PSPH: variants seen among roughly 807,000 people sequenced by gnomAD.
The protein encoded by PSPH is phosphoserine phosphatase.
Under a neutral mutation model 23.4 loss-of-function variants are expected in PSPH, and 16 were observed. The ratio of observed to expected loss-of-function variants is 0.68; its 90% CI spans 0.46 to 1.04. The LOEUF is 1.04. Ranked by LOEUF, PSPH falls within the 50% of genes least tolerant of loss-of-function variation. The probability of loss-of-function intolerance (pLI) is 0.00; values close to 1 mark genes in which losing one functional copy is unlikely to be tolerated. For synonymous variants in PSPH, 68 were observed against 99.7 expected, an observed-to-expected ratio of 0.68 and a Z score of 1.89; for missense variants, 223 against 273.7, an observed-to-expected ratio of 0.81 and a Z score of 1.31.
chr7:56,045,043 G>C (rs1456250441), intron 1 of PSPH, among the ~76,000 whole-genome samples: 1 of 142,794 alleles, frequency 7.0e-6, no homozygotes, highest in Non-Finnish European at 1.5e-5. Context: ...TTGCACTCCA[G>C]CCTGGGCAAC....
chr7:56,017,033 A>G (rs1788650327), intron 6 of PSPH, among the ~76,000 whole-genome samples: 1 of 152,192 alleles, frequency 6.6e-6, no homozygotes, highest in African/African-American at 2.4e-5. Context: ...TGTTATAGAT[A>G]CCAAAGCTAG....
intron 1 of PSPH, among the ~76,000 whole-genome samples, chr7:56,034,909 T>C (rs568419781): frequency 1.2e-4 from 17 of 142,104 alleles, no homozygotes; most frequent in Middle Eastern, 7.1e-3. Flanking sequence ...ATTTATGTTT[T>C]TAAATAGAGA....
In PSPH at chr7:56,036,944, C is replaced by T. The variant is rs572262486; in HGVS notation, c.-291-2838G>A. The stretch of plus-strand genomic sequence containing the variant: ...ATCCCAGCACTTAGGGAGGCTGAGG[C>T]GGGAGGATCACCTGAGGTCAGGAGT... On this transcript the variant is annotated intron_variant, in intron 1 of 7. Transcript: ENST00000275605. 7.2e-5 allele frequency among the ~76,000 whole-genome samples: 11 copies of T among 152,060 alleles called. No individual in the cohort carries two copies. In the South Asian group the frequency reaches 8.3e-4, roughly 12 times the overall value.
At chr7:56,019,449 A>G in intron 5 of PSPH, 151 bp downstream of exon 5, 1 of 1,000,510 alleles carries the variant, frequency 1.0e-6, no homozygotes, top group South Asian at 2.3e-5. Flanking sequence ...GAAAAAATAC[A>G]ATTTAAAAAA....
chr7:56,044,154 C>T (rs1471094484), intron 1 of PSPH, among the ~76,000 whole-genome samples: 1 of 152,058 alleles, frequency 6.6e-6, no homozygotes, highest in East Asian at 1.9e-4. Context: ...GTTGGTAAGG[C>T]TGGTCTTGAA....
rs1787882269 is a variant in PSPH at position 56,011,241 on chromosome 7, G to A, written c.*521C>T. 6.5e-6 allele frequency: 1 copy of A among 153,096 alleles called. No homozygotes were observed. Among genetic ancestry groups the A allele is most frequent in the Admixed American group, 6.5e-5 (1 of 15,352 alleles). 9.5% of individuals were successfully genotyped at this position (153,096 alleles called of 1,614,324 possible). On this transcript the variant is annotated 3_prime_UTR_variant, in exon 8 of 8. Transcript: ENST00000275605. ...AGAATTCAGATCACAAAACTCTCTA[G>A]GACATTGGCTGGGCGCGGTGGCCCA...
At chr7:56,048,437 AC>A (rs1687292171) in intron 1 of PSPH, among the ~76,000 whole-genome samples, 1 of 152,198 alleles carries the variant, frequency 6.6e-6, no homozygotes, top group Non-Finnish European at 1.5e-5. Context: ...GAACATGACA[AC>A]TAAATGTGAA....
chr7:56,025,088 G>A (rs2116771917), intron 3 of PSPH, among the ~76,000 whole-genome samples: 2 of 152,056 alleles, frequency 1.3e-5, no homozygotes, highest in South Asian at 4.2e-4. Flanking sequence ...ACAGGTGTGA[G>A]CCACCGTGCC....
Position 56,011,844 on chromosome 7 carries a change from T to A in PSPH, c.596A>T (p.Asn199Ile), listed in dbSNP as rs753682900. Residue 199 changes from asparagine to isoleucine, a missense_variant, in exon 8 of 8, where the codon AAT becomes ATT. Transcript: ENST00000275605. ...PADAFIGFGG[N>I]VIRQQVKDNA... ...ATCCTTGACTTGTTGCCTGATCACA[T>A]TTCCTCCAAATCCAATGAAAGCATC... The A allele has an allele frequency of 2.2e-5, 35 of 1,611,976 alleles. No homozygotes were observed. Among genetic ancestry groups the A allele is most frequent in the Non-Finnish European group, 2.6e-5 (31 of 1,178,266 alleles).
chr7:56,014,293 C>T (rs1788306430), intron 7 of PSPH, among the ~76,000 whole-genome samples: 1 of 152,158 alleles, frequency 6.6e-6, no homozygotes, highest in South Asian at 2.1e-4. Flanking sequence ...TTATTGAGCA[C>T]ACACCTAGGC....
At chr7:56,019,790 A>C in intron 4 of PSPH, 56 bp from the exon 5 acceptor site, 1 of 1,604,872 alleles carries the variant, frequency 6.2e-7, no homozygotes, top group Non-Finnish European at 8.5e-7. Context: ...CAAGGTTAAC[A>C]TGCCTTACTG....
At chr7:56,021,374 T>A in intron 3 of PSPH, 143 bp from the exon 4 acceptor site, 1 of 803,110 alleles carries the variant, frequency 1.2e-6, no homozygotes. Flanking sequence ...TTTTTTTTCC[T>A]TTTCTTTTTG....
chr7:56,029,066 C>G (rs746708625), intron 3 of PSPH, among the ~76,000 whole-genome samples: 12 of 152,014 alleles, frequency 7.9e-5, no homozygotes, highest in Non-Finnish European at 1.5e-4. Context: ...TCACCTGCCT[C>G]GGCCTCCCAA....
At chr7:56,046,895 C>A (rs1318632700) in intron 1 of PSPH, among the ~76,000 whole-genome samples, 1 of 151,892 alleles carries the variant, frequency 6.6e-6, no homozygotes, top group East Asian at 1.9e-4. Flanking sequence ...GTGGGCAAGC[C>A]TGCTCTTTGT....
intron 3 of PSPH, among the ~76,000 whole-genome samples, chr7:56,028,781 C>G (rs538008925): frequency 6.6e-6 from 1 of 151,936 alleles, no homozygotes; most frequent in Admixed American, 6.6e-5. Flanking sequence ...CAAAATGGTG[C>G]ACCTCCCTGT....
intron 1 of PSPH, among the ~76,000 whole-genome samples, chr7:56,043,860 G>A (rs893856312): frequency 3.9e-5 from 6 of 152,062 alleles, no homozygotes; most frequent in African/African-American, 9.7e-5. Context: ...ATGAGCCAGC[G>A]ATTTTTTTGT....
intron 1 of PSPH, among the ~76,000 whole-genome samples, chr7:56,048,733 C>T (rs1793575049): frequency 6.6e-6 from 1 of 150,656 alleles, no homozygotes; most frequent in Admixed American, 6.6e-5. Flanking sequence ...CTCCTGGGTT[C>T]AAGCAATTCC....
intron 4 of PSPH, 147 bp downstream of exon 4, chr7:56,020,926 T>C: frequency 3.4e-6 from 3 of 871,058 alleles, no homozygotes; most frequent in South Asian, 3.3e-5. Flanking sequence ...TTTATATAAA[T>C]GAATGAATAT....
At chr7:56,036,146 G>A (rs1791694926) in intron 1 of PSPH, among the ~76,000 whole-genome samples, 1 of 151,988 alleles carries the variant, frequency 6.6e-6, no homozygotes, top group Admixed American at 6.6e-5. Flanking sequence ...AGAATCGTTT[G>A]AACCTGGGAG....
Sources: allele counts gnomAD v4.1 joint callset (sites outside exome capture counted in the v4.1 genomes callset), GRCh38; gene constraint gnomAD v4.1.1; transcripts MANE v1.5; gene names NCBI Gene and HGNC (gene_info 2026-07-23, HGNC 2026-07-21).